Variants in SDK1 observed in about 807,000 individuals in gnomAD.
SDK1 encodes the protein sidekick cell adhesion molecule 1.
A neutral mutation model predicts 245.5 loss-of-function variants in SDK1; 157 were observed. The ratio of observed to expected loss-of-function variants is 0.64; its 90% confidence interval spans 0.56 to 0.73. The LOEUF (loss-of-function observed/expected upper bound fraction) is 0.73. SDK1 is among the 30% of genes least tolerant of loss of function. SDK1 has a pLI of 0.00. For missense variants in SDK1, 3,583 were observed against 3,002.3 expected, an observed-to-expected ratio of 1.19 and a Z score of -4.52; for synonymous variants, 1,647 against 1,278.5, an observed-to-expected ratio of 1.29 and a Z score of -6.15.
In SDK1 at chr7:4,111,177, A is replaced by C. The variant is rs115819994; in HGVS notation, c.3434+405A>C. 5.1e-3 allele frequency among the ~76,000 whole-genome samples: 771 copies of C among 152,246 alleles called. 6 individuals carry two copies. The highest frequency in any genetic ancestry group is 0.017 in the African/African-American group (692 of 41,544). ...GGAAGATCCTTCTGCTCCCCTTCCC[A>C]AGCAGGGCCCAGGAGCTGCTAGTCT... On this transcript the variant is annotated intron_variant, in intron 23 of 44. Coordinates refer to ENST00000404826, the MANE Select transcript of SDK1 (RefSeq NM_152744.4).
intron 5 of SDK1, among the ~76,000 whole-genome samples, chr7:3,918,240 C>G (rs761711490): frequency 5.3e-5 from 8 of 152,152 alleles, no homozygotes; most frequent in Admixed American, 3.9e-4. Flanking sequence ...AGACTGGTAT[C>G]GGTCCATGGC....
At chr7:3,543,840 C>T (rs1312350120) in intron 1 of SDK1, among the ~76,000 whole-genome samples, 2 of 152,162 alleles carry the variant, frequency 1.3e-5, no homozygotes, top group East Asian at 1.9e-4. Flanking sequence ...ATATTAACTT[C>T]TTAGTGACTT....
At chr7:4,021,679 C>T (rs979890307) in intron 17 of SDK1, among the ~76,000 whole-genome samples, 5 of 152,176 alleles carry the variant, frequency 3.3e-5, no homozygotes, top group African/African-American at 1.2e-4. Flanking sequence ...GCCTTGGGAA[C>T]GAGTATGCCC....
At position 4,220,104 on chromosome 7, in the gene SDK1, T is replaced by C; in HGVS notation, c.5540-5T>C. 1.2e-6 allele frequency: 2 copies of C among 1,613,140 alleles called. No individual in the cohort carries two copies. On this transcript the variant is annotated splice_polypyrimidine_tract_variant and splice_region_variant and intron_variant, in intron 38 of 44. Transcript: ENST00000404826. Reference sequence around the variant, plus strand: ...CCTTGTTTCCTTTGCTTCTGGCGGCTGCAGGGGTGAGCAAGGTGGTGACCG... The same window carrying C: ...CCTTGTTTCCTTTGCTTCTGGCGGCCGCAGGGGTGAGCAAGGTGGTGACCG...
At chr7:3,361,686 T>C (rs1426252904) in intron 1 of SDK1, among the ~76,000 whole-genome samples, 1 of 152,236 alleles carries the variant, frequency 6.6e-6, no homozygotes, top group African/African-American at 2.4e-5. Flanking sequence ...TTTAGAACTA[T>C]TGGCTTAGAA....
intron 1 of SDK1, among the ~76,000 whole-genome samples, chr7:3,399,552 T>A (rs1778824832): frequency 6.6e-6 from 1 of 152,160 alleles, no homozygotes; most frequent in South Asian, 2.1e-4. Context: ...ACTTTGGAAG[T>A]TCAAATTTGT....
At chr7:3,745,979 C>A (rs975951061) in intron 4 of SDK1, among the ~76,000 whole-genome samples, 4 of 152,206 alleles carry the variant, frequency 2.6e-5, no homozygotes, top group African/African-American at 9.6e-5. Flanking sequence ...TCTGGGAAAT[C>A]ACTTAACCTC....
At chr7:3,932,996 T>A (rs1295295556) in intron 5 of SDK1, among the ~76,000 whole-genome samples, 2 of 152,034 alleles carry the variant, frequency 1.3e-5, no homozygotes. Context: ...GCCCAGAACC[T>A]GCCCTGGGGG....
intron 22 of SDK1, among the ~76,000 whole-genome samples, chr7:4,093,458 C>CAAAAAA (rs71032922): frequency 1.3e-4 from 10 of 77,752 alleles, no homozygotes; most frequent in East Asian, 1.3e-3. Flanking sequence ...AAATGGAAAG[C>CAAAAAA]AAAAAAAAAA....
In SDK1 at chr7:3,387,749, A is replaced by AAAAATGG. The variant is rs1346707066; in HGVS notation, c.298+85870_298+85876dup. Among the ~76,000 whole-genome samples, 3 of 152,358 alleles carry AAAAATGG rather than the reference A, an allele frequency of 2.0e-5. No homozygotes were observed. In the East Asian group the frequency reaches 5.8e-4, roughly 29 times the overall value. ...TTTGTTACCTGTCTATTACCACAATAAAAATGGAAAAATATATTGCTTAAT... is the reference window on the plus strand; with the variant it reads ...TTTGTTACCTGTCTATTACCACAATAAAAATGGAAAATGGAAAAATATATTGCTTAAT... On this transcript the variant is annotated intron_variant, in intron 1 of 44. Transcript: ENST00000404826.
intron 1 of SDK1, among the ~76,000 whole-genome samples, chr7:3,310,842 C>CTTAATCTTCA (rs776676289): frequency 9.2e-5 from 14 of 152,184 alleles, no homozygotes; most frequent in Non-Finnish European, 1.8e-4. Flanking sequence ...GGGTTGGCTA[C>CTTAATCTTCA]TTAATCTTCA....
chr7:3,764,973 A>G (rs1780211845), intron 4 of SDK1, among the ~76,000 whole-genome samples: 1 of 152,174 alleles, frequency 6.6e-6, no homozygotes, highest in Admixed American at 6.5e-5. Context: ...GTTTATTGTC[A>G]TTTTTAATGA....
At chr7:3,362,803 A>G (rs768867282) in intron 1 of SDK1, among the ~76,000 whole-genome samples, 16 of 152,192 alleles carry the variant, frequency 1.1e-4, no homozygotes, top group Non-Finnish European at 1.9e-4. Flanking sequence ...TTATACTTTT[A>G]TAGTTTTCCA....
At position 4,265,864 on chromosome 7, in the gene SDK1, T is replaced by C. The variant is rs1583209774; in HGVS notation, c.*480T>C. On this transcript the variant is annotated 3_prime_UTR_variant, in exon 45 of 45. Transcript: ENST00000404826. Reference sequence around the variant, plus strand: ...AACGCAGGACATCCTCGGCGGCTCCTGGGGTTTGAAGAGCAAACGTTTTTC... The same window carrying C: ...AACGCAGGACATCCTCGGCGGCTCCCGGGGTTTGAAGAGCAAACGTTTTTC... 2.0e-6 allele frequency: 2 copies of C among 988,802 alleles called. No homozygotes were observed. Among genetic ancestry groups the C allele is most frequent in the East Asian group, 1.1e-4 (1 of 8,900 alleles). 61.3% of individuals were successfully genotyped at this position (988,802 alleles called of 1,614,324 possible).
Position 3,951,042 on chromosome 7 carries a change from G to A in SDK1, c.959+8G>A. 6.3e-7 allele frequency: 1 copy of A among 1,587,824 alleles called. No individual in the cohort carries two copies. Among genetic ancestry groups the A allele is most frequent in the Non-Finnish European group, 8.7e-7 (1 of 1,156,052 alleles). ...ATGTATAGCCAGTGCCAGGTACGAG[G>A]CGCGTCTCCTGTGAGACTCCTAGTA... On this transcript the variant is annotated splice_region_variant and intron_variant, in intron 6 of 44. Coordinates refer to ENST00000404826, the MANE Select transcript of SDK1 (RefSeq NM_152744.4).
chr7:3,865,644 G>A lies in SDK1; in HGVS notation c.847+44061G>A, dbSNP rs957111525. Among the ~76,000 whole-genome samples the A allele has an allele frequency of 1.5e-4, 23 of 151,952 alleles. No individual in the cohort carries two copies. The South Asian group carries it at 4.6e-3, about 30-fold the overall frequency. On this transcript the variant is annotated intron_variant, in intron 5 of 44. Transcript: ENST00000404826. The stretch of plus-strand genomic sequence containing the variant: ...CCACCTCAGCCCCTCAAGTAACTGG[G>A]ACTACAGGTGTGTACCACCACGTCT...
intron 4 of SDK1, among the ~76,000 whole-genome samples, chr7:3,818,803 C>A (rs1432870067): frequency 6.6e-6 from 1 of 152,186 alleles, no homozygotes; most frequent in Non-Finnish European, 1.5e-5. Context: ...TTATCAGCTT[C>A]ATGTGAAGGT....
chr7:4,211,178 T>C (rs112968027), intron 38 of SDK1, among the ~76,000 whole-genome samples: 1,723 of 152,242 alleles, frequency 0.011, 31 homozygotes, highest in African/African-American at 0.039. Context: ...AAAGAAGCTA[T>C]CGTTCATCTC....
chr7:3,401,167 A>C (rs1464109884), intron 1 of SDK1, among the ~76,000 whole-genome samples: 1 of 152,164 alleles, frequency 6.6e-6, no homozygotes, highest in Non-Finnish European at 1.5e-5. Flanking sequence ...TCACTTACTA[A>C]AATCCATACT....
Sources: allele counts gnomAD v4.1 joint callset (sites outside exome capture counted in the v4.1 genomes callset), GRCh38; gene constraint gnomAD v4.1.1; transcripts MANE v1.5; gene names NCBI Gene and HGNC (gene_info 2026-07-23, HGNC 2026-07-21).